Variants in FRMD4A observed in about 807,000 individuals in gnomAD.
The protein encoded by FRMD4A is FERM domain containing 4A.
FRMD4A carries 29 observed loss-of-function variants against 129.1 expected under a neutral mutation model. The observed-to-expected ratio is 0.22, with a 90% CI of 0.17 to 0.31. FRMD4A has a LOEUF of 0.31. Among genes scored for constraint, FRMD4A ranks in the 10% least tolerant of loss-of-function variants. The probability of loss-of-function intolerance (pLI) is 1.00; values close to 1 mark genes in which losing one functional copy is unlikely to be tolerated. For missense variants in FRMD4A, 1,272 were observed against 1,375.8 expected, an observed-to-expected ratio of 0.92 and a Z score of 1.19; for synonymous variants, 634 against 571.6, an observed-to-expected ratio of 1.11 and a Z score of -1.56.
At chr10:14,152,916 T>G (rs1422028561) in intron 2 of FRMD4A, among the ~76,000 whole-genome samples, 4 of 151,976 alleles carry the variant, frequency 2.6e-5, no homozygotes, top group Non-Finnish European at 5.9e-5. Flanking sequence ...CCTAGAGCAG[T>G]AGAAATCTTT....
intron 2 of FRMD4A, among the ~76,000 whole-genome samples, chr10:14,133,800 T>G (rs932577768): frequency 6.6e-6 from 1 of 152,226 alleles, no homozygotes. Context: ...CTGTATTCCC[T>G]GAGTAAAAGC....
chr10:14,042,936 A>G (rs1257797072), intron 2 of FRMD4A, among the ~76,000 whole-genome samples: 1 of 151,212 alleles, frequency 6.6e-6, no homozygotes, highest in Non-Finnish European at 1.5e-5. Context: ...AAAAAAAAAA[A>G]AAAAAAAAAA....
At chr10:14,204,505 C>G (rs942891208) in intron 2 of FRMD4A, among the ~76,000 whole-genome samples, 3 of 152,022 alleles carry the variant, frequency 2.0e-5, no homozygotes, top group African/African-American at 7.2e-5. Flanking sequence ...AAACTCATAG[C>G]AAACTAAATT....
At chr10:13,654,662 A>C in intron 22 of FRMD4A, 150 bp from the exon 23 acceptor site, 2 of 606,650 alleles carry the variant, frequency 3.3e-6, no homozygotes, top group Non-Finnish European at 5.9e-6. Context: ...GGGTCTCAGC[A>C]TCCCTATGGC....
chr10:14,237,866 C>T (rs1317183234), intron 2 of FRMD4A, among the ~76,000 whole-genome samples: 1 of 152,192 alleles, frequency 6.6e-6, no homozygotes, highest in East Asian at 1.9e-4. Context: ...TGGCGAGGGT[C>T]CTCCTCGGCC....
chr10:14,302,374 A>G (rs1217663690), intron 2 of FRMD4A, among the ~76,000 whole-genome samples: 1 of 152,164 alleles, frequency 6.6e-6, no homozygotes, highest in Non-Finnish European at 1.5e-5. Flanking sequence ...CATATAATGT[A>G]TTTATTCAGG....
chr10:14,188,113 CT>C (rs1193564572), intron 2 of FRMD4A, among the ~76,000 whole-genome samples: 1 of 152,158 alleles, frequency 6.6e-6, no homozygotes, highest in Admixed American at 6.5e-5. Flanking sequence ...GCTAATCTTT[CT>C]TCTGGTCAGC....
At chr10:14,145,334 T>C (rs1840023953) in intron 2 of FRMD4A, among the ~76,000 whole-genome samples, 1 of 152,218 alleles carries the variant, frequency 6.6e-6, no homozygotes, top group Non-Finnish European at 1.5e-5. Flanking sequence ...CAAGATAATG[T>C]ATACAATTAA....
chr10:13,810,475 T>C (rs947843014), intron 4 of FRMD4A, among the ~76,000 whole-genome samples: 1 of 152,246 alleles, frequency 6.6e-6, no homozygotes, highest in Non-Finnish European at 1.5e-5. Flanking sequence ...GAGAAATGTT[T>C]CATTTCCAGA....
rs1272605754 is a variant in FRMD4A, at chr10:13,657,541, G to C, written c.2067-19C>G. The stretch of plus-strand genomic sequence containing the variant: ...CACCGACCTGCCGGGAGACGACCCG[G>C]GTTGGTCTGGGGGTGGGGAGTGGGC... On this transcript the variant is annotated intron_variant, in intron 21 of 24. Transcript: ENST00000357447. 3.9e-6 allele frequency: 6 copies of C among 1,550,598 alleles called. No individual in the cohort carries two copies. The highest frequency in any genetic ancestry group is 5.2e-6 in the Non-Finnish European group (6 of 1,151,318).
At chr10:14,118,047 A>C (rs1207907685) in intron 2 of FRMD4A, among the ~76,000 whole-genome samples, 2 of 152,168 alleles carry the variant, frequency 1.3e-5, no homozygotes, top group Admixed American at 1.3e-4. Context: ...CTGGATGCCA[A>C]AATTACCCAA....
At chr10:14,116,668 A>G (rs1838216165) in intron 2 of FRMD4A, among the ~76,000 whole-genome samples, 1 of 152,164 alleles carries the variant, frequency 6.6e-6, no homozygotes, top group Middle Eastern at 3.2e-3. Flanking sequence ...CAGCTTTAAA[A>G]ACAAGCAGTA....
At chr10:14,095,104 G>A (rs1270938317) in intron 2 of FRMD4A, among the ~76,000 whole-genome samples, 1 of 152,038 alleles carries the variant, frequency 6.6e-6, no homozygotes, top group Non-Finnish European at 1.5e-5. Flanking sequence ...GACTCTGAAG[G>A]GTGAGTTTTA....
intron 2 of FRMD4A, among the ~76,000 whole-genome samples, chr10:14,138,065 C>T (rs1252498815): frequency 1.3e-5 from 2 of 152,132 alleles, no homozygotes; most frequent in African/African-American, 4.8e-5. Flanking sequence ...GCAAATGGGG[C>T]CAAAGTGCTT....
rs552972466 is a variant in FRMD4A at position 13,922,976 on chromosome 10, T to C, written c.46-64064A>G. The stretch of plus-strand genomic sequence containing the variant: ...AGTAGTTCATTCTTTGGTTAAATTA[T>C]GCTTGTAAGAAGTGAGAAAATGGGA... On this transcript the variant is annotated intron_variant, in intron 2 of 24. Coordinates refer to ENST00000357447, the MANE Select transcript of FRMD4A (RefSeq NM_018027.5). Among the ~76,000 whole-genome samples, 105 of 152,326 alleles carry C rather than the reference T, an allele frequency of 6.9e-4. 1 individual carries two copies. Among genetic ancestry groups the C allele is most frequent in the African/African-American group, 2.4e-3 (100 of 41,584 alleles).
At chr10:13,882,449 A>G (rs1358379298) in intron 2 of FRMD4A, among the ~76,000 whole-genome samples, 1 of 152,176 alleles carries the variant, frequency 6.6e-6, no homozygotes. Flanking sequence ...AAGAGGAGTA[A>G]TGAGAAAACC....
intron 2 of FRMD4A, among the ~76,000 whole-genome samples, chr10:14,174,710 T>C (rs1841641366): frequency 6.6e-6 from 1 of 152,228 alleles, no homozygotes; most frequent in Admixed American, 6.5e-5. Flanking sequence ...ATACCCATGT[T>C]CAGCCCACTG....
chr10:13,796,636 G>GT, intron 4 of FRMD4A, 48 bp from the exon 5 acceptor site: 2 of 979,666 alleles, frequency 2.0e-6, no homozygotes. Flanking sequence ...TTTTGCAGAA[G>GT]TTTTTTTGGG....
chr10:14,315,798 G>C (rs1269086471), intron 2 of FRMD4A, among the ~76,000 whole-genome samples: 1 of 152,098 alleles, frequency 6.6e-6, no homozygotes, highest in African/African-American at 2.4e-5. Flanking sequence ...TGCATCACCT[G>C]GTCTGAACCT....
Sources: allele counts gnomAD v4.1 joint callset (sites outside exome capture counted in the v4.1 genomes callset), GRCh38; gene constraint gnomAD v4.1.1; transcripts MANE v1.5; gene names NCBI Gene and HGNC (gene_info 2026-07-23, HGNC 2026-07-21).